The following DPP6 variants were observed in gnomAD, a reference collection of about 807,000 sequenced individuals.
The protein encoded by DPP6 is dipeptidyl peptidase like 6, also known as A-type potassium channel modulatory protein DPP6.
A neutral mutation model predicts 122.6 loss-of-function variants in DPP6; 69 were observed. That is an observed-to-expected ratio of 0.56 (90% CI 0.46 to 0.69). DPP6 has a LOEUF of 0.69. Ranked by LOEUF, DPP6 falls within the 30% of genes least tolerant of loss-of-function variation. DPP6 has a pLI of 0.00. For synonymous variants in DPP6, 418 were observed against 433.1 expected (o/e 0.97, Z 0.43); for missense variants, 928 against 1,116.9 (o/e 0.83, Z 2.41).
intron 16 of DPP6, among the ~76,000 whole-genome samples, chr7:154,849,517 G>A (rs1802208290): frequency 6.6e-6 from 1 of 152,138 alleles, no homozygotes; most frequent in South Asian, 2.1e-4. Context: ...GTGTTGCATT[G>A]TGTAACCTGC....
Position 154,234,853 on chromosome 7 carries a change from C to T in DPP6, c.243+181790C>T, listed in dbSNP as rs556305599. On this transcript the variant is annotated intron_variant, in intron 1 of 25. Coordinates refer to ENST00000377770, the MANE Select transcript of DPP6 (RefSeq NM_130797.4). ...GGTTCCTGTGTGCTGGGCCTCTGCT[C>T]TTCCCACCTCACACAGCCCCTGCAT... is the stretch of plus-strand genomic sequence containing the variant. 8.5e-5 allele frequency among the ~76,000 whole-genome samples: 13 copies of T among 152,250 alleles called. No homozygotes were observed. The South Asian group carries it at 2.7e-3, about 32-fold the overall frequency.
chr7:154,643,539 G>T (rs1836248165), intron 6 of DPP6, among the ~76,000 whole-genome samples: 1 of 145,620 alleles, frequency 6.9e-6, no homozygotes, highest in African/African-American at 2.6e-5. Context: ...TACGATCTCA[G>T]CTCACTGCAA....
chr7:154,752,956 G>A (rs1843469806), intron 8 of DPP6, among the ~76,000 whole-genome samples: 1 of 152,118 alleles, frequency 6.6e-6, no homozygotes, highest in African/African-American at 2.4e-5. Flanking sequence ...CCTGCTGTGT[G>A]CCATGCCCTG....
At chr7:153,998,238 G>T (rs1231083455) in intron 1 of DPP6, among the ~76,000 whole-genome samples, 4 of 152,186 alleles carry the variant, frequency 2.6e-5, no homozygotes, top group Admixed American at 6.5e-5. Flanking sequence ...CTTAGAAACT[G>T]CCAAAAATAT....
chr7:153,810,445 G>A, the DPP6 span, among the ~76,000 whole-genome samples: 3 of 152,108 alleles, frequency 2.0e-5, no homozygotes, highest in South Asian at 2.1e-4. Context: ...TACCTGGAGC[G>A]AAAGGAATGG....
intron 1 of DPP6, among the ~76,000 whole-genome samples, chr7:153,989,342 AGTGT>A (rs1227323176): frequency 1.3e-5 from 2 of 150,192 alleles, no homozygotes; most frequent in African/African-American, 4.9e-5. Context: ...TGAGTGTGCA[AGTGT>A]GTGAGTGTGG....
chr7:153,923,760 C>CAAA (rs1158548494), intron 1 of DPP6, among the ~76,000 whole-genome samples: 947 of 46,158 alleles, frequency 0.021, 33 homozygotes, highest in African/African-American at 0.025. Flanking sequence ...GACTCCATCT[C>CAAA]AAAAAAAAAA....
rs77479540 is a variant in DPP6 at position 154,753,453 on chromosome 7, C to A, written c.884-15964C>A. ...ATCATCCTCCACAGGAGACAGCGACCACCTGTGGATTTTTGAAAGAAAGGA... is the reference window on the plus strand; with the variant it reads ...ATCATCCTCCACAGGAGACAGCGACAACCTGTGGATTTTTGAAAGAAAGGA... On this transcript the variant is annotated intron_variant, in intron 8 of 25. Transcript: ENST00000377770. 3.7e-3 allele frequency among the ~76,000 whole-genome samples: 559 copies of A among 152,228 alleles called. 27 individuals carry two copies. The East Asian group carries it at 0.093, about 25-fold the overall frequency.
At chr7:154,443,004 C>A (rs183744005) in intron 1 of DPP6, among the ~76,000 whole-genome samples, 153 of 152,106 alleles carry the variant, frequency 1.0e-3, no homozygotes, top group Non-Finnish European at 1.9e-3. Flanking sequence ...AGAGGTAAGC[C>A]GAAGCCTGCA....
chr7:153,977,621 G>A (rs1796375717), intron 1 of DPP6, among the ~76,000 whole-genome samples: 2 of 152,092 alleles, frequency 1.3e-5, no homozygotes, highest in Admixed American at 6.6e-5. Context: ...AGTTTGTTAT[G>A]TAGGTATACA....
intron 5 of DPP6, among the ~76,000 whole-genome samples, chr7:154,636,695 C>A (rs1013961143): frequency 3.3e-5 from 5 of 152,176 alleles, no homozygotes; most frequent in African/African-American, 1.2e-4. Context: ...ACTCCAAGAC[C>A]ATTGTGATTT....
At position 154,241,596 on chromosome 7, in the gene DPP6, T is replaced by C. The variant is rs1801622357; in HGVS notation, c.243+188533T>C. On this transcript the variant is annotated intron_variant, in intron 1 of 25. Coordinates refer to ENST00000377770, the MANE Select transcript of DPP6 (RefSeq NM_130797.4). The surrounding 1 kb of genome is among the most constrained non-coding windows in gnomAD (Gnocchi z 9.0). ...AAAAAAAGATCCAATTCCATCCCCA[T>C]CTACTCCAAAATGCCTCCCTATTTA... Among the ~76,000 whole-genome samples the C allele has an allele frequency of 6.6e-6, 1 of 152,054 alleles. No homozygotes were observed. The highest frequency in any genetic ancestry group is 1.5e-5 in the Non-Finnish European group (1 of 67,990).
intron 25 of DPP6, 167 bp downstream of exon 25, chr7:154,889,697 G>A (rs1206870256): frequency 8.6e-6 from 9 of 1,045,572 alleles, no homozygotes; most frequent in African/African-American, 3.2e-5. Flanking sequence ...CATGCTCAAC[G>A]TTTTCTTATA....
At position 153,938,340 on chromosome 7, in the gene DPP6, C is replaced by T. The variant is rs566113366; in HGVS notation, c.51+50606C>T. Among the ~76,000 whole-genome samples, 79 of 152,206 alleles carry T rather than the reference C, an allele frequency of 5.2e-4. 2 individuals carry two copies. The South Asian group carries it at 7.7e-3, about 15-fold the overall frequency. On this transcript the variant is annotated intron_variant, in intron 1 of 25. Transcript: ENST00000404039. ...TGCCATTGGGTTGGCTGAAAAGGTGCGTAAGGAATCTGTCAGATTTATCAC... is the reference window on the plus strand; with the variant it reads ...TGCCATTGGGTTGGCTGAAAAGGTGTGTAAGGAATCTGTCAGATTTATCAC...
At chr7:154,032,966 A>C (rs1296088013) in intron 1 of DPP6, among the ~76,000 whole-genome samples, 2 of 149,830 alleles carry the variant, frequency 1.3e-5, no homozygotes, top group African/African-American at 4.9e-5. Context: ...GCTGCCTTTG[A>C]AGGTGGCTTT....
At chr7:154,655,392 T>C (rs569275816) in intron 6 of DPP6, among the ~76,000 whole-genome samples, 2 of 152,178 alleles carry the variant, frequency 1.3e-5, no homozygotes, top group Admixed American at 6.5e-5. Flanking sequence ...TTTTGAAATA[T>C]AGTTAAGTCC....
chr7:154,837,295 GCATGCACA>G (rs1301847796), intron 16 of DPP6, among the ~76,000 whole-genome samples: 1 of 150,314 alleles, frequency 6.7e-6, no homozygotes, highest in Non-Finnish European at 1.5e-5. Context: ...ACATTCACAT[GCATGCACA>G]CATGCACACA....
At chr7:154,885,988 C>G (rs1320467977) in intron 22 of DPP6, among the ~76,000 whole-genome samples, 1 of 152,248 alleles carries the variant, frequency 6.6e-6, no homozygotes, top group Non-Finnish European at 1.5e-5. Flanking sequence ...CCAATGAAGA[C>G]CACGAGTTGG....
chr7:154,335,722 A>C (rs7796812), intron 1 of DPP6, among the ~76,000 whole-genome samples: 2,885 of 152,234 alleles, frequency 0.019, 75 homozygotes, highest in African/African-American at 0.064. Flanking sequence ...AAAGTGACTG[A>C]TGCGCTGTGT....
Sources: allele counts gnomAD v4.1 joint callset (sites outside exome capture counted in the v4.1 genomes callset), GRCh38; gene constraint gnomAD v4.1.1; non-coding constraint Gnocchi (gnomAD v3.1); transcripts MANE v1.5; gene names NCBI Gene and HGNC (gene_info 2026-07-23, HGNC 2026-07-21).